CTTNBP2NL: variants seen among roughly 807,000 people sequenced by gnomAD.
CTTNBP2NL encodes the protein CTTNBP2 N-terminal-like protein.
A neutral mutation model predicts 32.5 loss-of-function variants in CTTNBP2NL; 16 were observed. The observed-to-expected ratio is 0.49, with a 90% confidence interval of 0.33 to 0.75. The LOEUF is 0.75. Among genes scored for constraint, CTTNBP2NL ranks in the 30% least tolerant of loss-of-function variants. The probability of loss-of-function intolerance (pLI) is 0.02; values close to 1 mark genes in which losing one functional copy is unlikely to be tolerated. For missense variants in CTTNBP2NL, 645 were observed against 756.0 expected, an observed-to-expected ratio of 0.85 and a Z score of 1.72; for synonymous variants, 298 against 289.4, an observed-to-expected ratio of 1.03 and a Z score of -0.30.
chr1:112,418,389 T>G (rs1004148056), intron 3 of CTTNBP2NL, among the ~76,000 whole-genome samples: 1 of 152,172 alleles, frequency 6.6e-6, no homozygotes, highest in Admixed American at 6.5e-5. Flanking sequence ...TCACTCACTC[T>G]CTATTGCAGC....
intron 1 of CTTNBP2NL, among the ~76,000 whole-genome samples, chr1:112,402,942 C>T (rs1459059971): frequency 6.6e-6 from 1 of 152,166 alleles, no homozygotes; most frequent in Non-Finnish European, 1.5e-5. Context: ...CCCCAGTAAA[C>T]CCAGTTCCAT....
chr1:112,393,204 C>T (rs1303436191), upstream of CTTNBP2NL, among the ~76,000 whole-genome samples: 4 of 152,166 alleles, frequency 2.6e-5, no homozygotes, highest in African/African-American at 9.7e-5. Flanking sequence ...AGACAGAACA[C>T]ATTTCTGTTG....
chr1:112,419,650 A>G (rs1570724296), intron 3 of CTTNBP2NL, among the ~76,000 whole-genome samples: 2 of 152,362 alleles, frequency 1.3e-5, no homozygotes, highest in East Asian at 3.9e-4. Context: ...GCAGATTATT[A>G]TAAAGACTGG....
chr1:112,453,062 C>A (rs1242233486), intron 4 of CTTNBP2NL, among the ~76,000 whole-genome samples: 2 of 151,378 alleles, frequency 1.3e-5, no homozygotes, highest in African/African-American at 4.9e-5. Flanking sequence ...TTGCAGTGAG[C>A]CGAGATGATG....
chr1:112,444,233 C>T (rs923058086), intron 3 of CTTNBP2NL, among the ~76,000 whole-genome samples: 7 of 152,072 alleles, frequency 4.6e-5, no homozygotes, highest in South Asian at 2.1e-4. Context: ...GGATTTTGAA[C>T]GATTTTTCAT....
chr1:112,401,854 T>A (rs1936046), intron 1 of CTTNBP2NL, among the ~76,000 whole-genome samples: 6,843 of 152,260 alleles, frequency 0.045, 475 homozygotes, highest in African/African-American at 0.15. Flanking sequence ...AAATGTGTCA[T>A]TTGCTGTTTA....
At chr1:112,431,946 AAAACTT>A in intron 3 of CTTNBP2NL, among the ~76,000 whole-genome samples, 1 of 152,132 alleles carries the variant, frequency 6.6e-6, no homozygotes, top group East Asian at 1.9e-4. Context: ...CAAAAAATAA[AAAACTT>A]AAATTAGAAA....
intron 3 of CTTNBP2NL, among the ~76,000 whole-genome samples, chr1:112,447,083 G>A (rs539551193): frequency 3.9e-4 from 59 of 151,948 alleles, no homozygotes; most frequent in Non-Finnish European, 6.2e-4. Context: ...GACCATCCTG[G>A]CTAACATGGT....
At chr1:112,442,809 G>A (rs946238036) in intron 3 of CTTNBP2NL, among the ~76,000 whole-genome samples, 8 of 151,850 alleles carry the variant, frequency 5.3e-5, no homozygotes, top group Admixed American at 2.6e-4. Context: ...TCCTGCCTCA[G>A]CCTCCCAAGT....
chr1:112,450,548 C>T (rs376314062), intron 4 of CTTNBP2NL, among the ~76,000 whole-genome samples: 1 of 152,130 alleles, frequency 6.6e-6, no homozygotes, highest in Non-Finnish European at 1.5e-5. Flanking sequence ...GTTTAATAGG[C>T]AGGCTTTATT....
At chr1:112,400,258 A>G (rs966664906) in intron 1 of CTTNBP2NL, among the ~76,000 whole-genome samples, 1 of 152,210 alleles carries the variant, frequency 6.6e-6, no homozygotes, top group African/African-American at 2.4e-5. Flanking sequence ...CAACTGTGCT[A>G]CTGTTCACTG....
At chr1:112,393,800 G>C (rs1648241745), upstream of CTTNBP2NL, among the ~76,000 whole-genome samples, 1 of 152,192 alleles carries the variant, frequency 6.6e-6, no homozygotes, top group South Asian at 2.1e-4. Context: ...GGAAATCAGG[G>C]GAGTTGCCCA....
intron 3 of CTTNBP2NL, among the ~76,000 whole-genome samples, chr1:112,444,664 T>G (rs1306965751): frequency 6.6e-6 from 1 of 152,194 alleles, no homozygotes; most frequent in Non-Finnish European, 1.5e-5. Context: ...AAATTGAATT[T>G]ACTTTATTTT....
intron 1 of CTTNBP2NL, among the ~76,000 whole-genome samples, chr1:112,398,362 T>C (rs1202582272): frequency 6.6e-6 from 1 of 152,214 alleles, no homozygotes; most frequent in Non-Finnish European, 1.5e-5. Flanking sequence ...ATGTCTGATC[T>C]CTCTCCTTGA....
At chr1:112,451,651 T>C (rs1650222633) in intron 4 of CTTNBP2NL, among the ~76,000 whole-genome samples, 1 of 150,578 alleles carries the variant, frequency 6.6e-6, no homozygotes, top group East Asian at 2.0e-4. Context: ...GTTCCTGTAA[T>C]CCCAGCTACT....
intron 2 of CTTNBP2NL, among the ~76,000 whole-genome samples, chr1:112,413,839 G>A (rs971780291): frequency 2.0e-5 from 3 of 152,100 alleles, no homozygotes; most frequent in African/African-American, 7.2e-5. Flanking sequence ...CCTGAGGTCA[G>A]GAGTTGGAGA....
upstream of CTTNBP2NL, among the ~76,000 whole-genome samples, chr1:112,393,418 A>G (rs1648231027): frequency 6.6e-6 from 1 of 152,202 alleles, no homozygotes; most frequent in African/African-American, 2.4e-5. Flanking sequence ...GCCTGACACA[A>G]TAGGCATTTA....
intron 3 of CTTNBP2NL, among the ~76,000 whole-genome samples, chr1:112,433,235 A>G (rs915659532): frequency 3.9e-5 from 6 of 152,060 alleles, no homozygotes; most frequent in Admixed American, 3.3e-4. Flanking sequence ...CCAAAATGTT[A>G]TTATTCATTT....
At chr1:112,413,009 C>A (rs1447999317) in intron 2 of CTTNBP2NL, among the ~76,000 whole-genome samples, 1 of 152,106 alleles carries the variant, frequency 6.6e-6, no homozygotes, top group Non-Finnish European at 1.5e-5. Context: ...TAAAAGAATT[C>A]TTCTTTGTCA....
Sources: allele counts gnomAD v4.1 joint callset (sites outside exome capture counted in the v4.1 genomes callset), GRCh38; gene constraint gnomAD v4.1.1; transcripts MANE v1.5; gene names NCBI Gene and HGNC (gene_info 2026-07-23, HGNC 2026-07-21).